PAF1: variants seen among roughly 807,000 people sequenced by gnomAD.
The protein encoded by PAF1 is PAF1 component of Paf1/RNA polymerase II complex.
In PAF1, 31 loss-of-function variants were observed where a neutral mutation model predicts 68.4. The ratio of observed to expected loss-of-function variants is 0.45; its 90% confidence interval spans 0.34 to 0.61. PAF1 has a LOEUF of 0.61. Ranked by LOEUF, PAF1 falls within the 20% of genes least tolerant of loss-of-function variation. The pLI, the probability that PAF1 is intolerant of heterozygous loss-of-function variation, is 0.01. For synonymous variants in PAF1, 256 were observed against 240.5 expected (o/e 1.06, Z -0.60); for missense variants, 435 against 692.9 (o/e 0.63, Z 4.18).
rs564315505 is a variant in PAF1 at position 39,386,864 on chromosome 19, C to G, written c.987-65G>C. On this transcript the variant is annotated intron_variant, in intron 11 of 13. Coordinates refer to ENST00000221265, the MANE Select transcript of PAF1 (RefSeq NM_019088.4). This position sits in a 1 kb window ranked among gnomAD's most constrained non-coding sequence, Gnocchi z 6.1. ...AGTTAAAGACACACCTCCCACTTCC[C>G]CGCCCCCCAGTGAGGGGTCTGGTCT... 340 of 1,101,138 alleles carry G rather than the reference C, an allele frequency of 3.1e-4. 1 individual carries two copies. The highest frequency in any genetic ancestry group is 4.3e-4 in the Non-Finnish European group (307 of 715,604). The allele number at this position is 1,101,138 out of a possible 1,614,324, so 68.2% of individuals were successfully genotyped here.
At chr19:39,388,029 T>C (rs968687909) in intron 11 of PAF1, among the ~76,000 whole-genome samples, 14 of 152,236 alleles carry the variant, frequency 9.2e-5, no homozygotes, top group Admixed American at 3.9e-4. Context: ...TGATGCCAGC[T>C]ACTCAGGAGG....
Position 39,385,774 on chromosome 19 carries a change from G to A in PAF1, c.*217C>T, listed in dbSNP as rs1458160018. The stretch of plus-strand genomic sequence containing the variant: ...TCTGGCCTGTGTTTCTAAGCCTCAA[G>A]CCAAGATCCTTGAGCACCTGGGGGT... On this transcript the variant is annotated 3_prime_UTR_variant, in exon 14 of 14. Transcript: ENST00000221265. The A allele has an allele frequency of 3.0e-6, 2 of 661,536 alleles. No individual in the cohort carries two copies. The highest frequency in any genetic ancestry group is 5.5e-5 in the East Asian group (2 of 36,472). 41.0% of individuals were successfully genotyped at this position (661,536 alleles called of 1,614,324 possible).
At chr19:39,388,902 G>C (rs780293853) in intron 8 of PAF1, 37 bp from the exon 9 acceptor site, 1 of 1,610,702 alleles carries the variant, frequency 6.2e-7, no homozygotes, top group African/African-American at 1.3e-5. Flanking sequence ...GATGGGAACA[G>C]GCACAAATAG....
Position 39,386,421 on chromosome 19 carries a change from G to A in PAF1, c.1184-18C>T. ...CTCCTCATCTGGAAGGGAGTGGAGA[G>A]AGATGAAACCCACTTTTCCACCCTC... On this transcript the variant is annotated intron_variant, in intron 13 of 13. Coordinates refer to ENST00000221265, the MANE Select transcript of PAF1 (RefSeq NM_019088.4). The surrounding 1 kb of genome is among the most constrained non-coding windows in gnomAD (Gnocchi z 6.1). The A allele has an allele frequency of 6.2e-7, 1 of 1,614,078 alleles. No homozygotes were observed. The highest frequency in any genetic ancestry group is 8.5e-7 in the Non-Finnish European group (1 of 1,179,960).
Position 39,386,853 on chromosome 19 carries a change from C to T in PAF1, c.987-54G>A. 8.3e-7 allele frequency: 1 copy of T among 1,208,244 alleles called. No homozygotes were observed. Among genetic ancestry groups the T allele is most frequent in the Admixed American group, 1.7e-5 (1 of 59,294 alleles). 74.8% of individuals were successfully genotyped at this position (1,208,244 alleles called of 1,614,324 possible). Reference sequence around the variant, plus strand: ...GTGGAAGATGCAGTTAAAGACACACCTCCCACTTCCCCGCCCCCCAGTGAG... The same window carrying T: ...GTGGAAGATGCAGTTAAAGACACACTTCCCACTTCCCCGCCCCCCAGTGAG... On this transcript the variant is annotated intron_variant, in intron 11 of 13. Transcript: ENST00000221265. This position sits in a 1 kb window ranked among gnomAD's most constrained non-coding sequence, Gnocchi z 6.1.
At position 39,386,397 on chromosome 19, in the gene PAF1, T is replaced by C; in HGVS notation, c.1190A>G (p.Glu397Gly). ...EEKEAGGSDEEQEKGSSSEKE... is the reference protein window; with the variant it reads ...EEKEAGGSDEGQEKGSSSEKE... ...CTCACTGCTGCTGCCCTTCTCCTGC[T>C]CCTCATCTGGAAGGGAGTGGAGAGA... Residue 397 changes from glutamate to glycine, a missense_variant, in exon 14 of 14, where the codon GAG (glutamate) becomes GGG (glycine). By Grantham distance (98) the Glu-to-Gly change is moderately conservative. Around this residue, in one of 7 missense-constraint regions of PAF1, gnomAD observed 78 missense variants for 80.6 expected, o/e 0.97. Transcript: ENST00000221265. This position sits in a 1 kb window ranked among gnomAD's most constrained non-coding sequence, Gnocchi z 6.1. 1 of 1,614,086 alleles carries C rather than the reference T, an allele frequency of 6.2e-7. No individual in the cohort carries two copies. Among genetic ancestry groups the C allele is most frequent in the Non-Finnish European group, 8.5e-7 (1 of 1,179,984 alleles).
In PAF1 at chr19:39,386,413, A is replaced by C. The variant is rs749878618; in HGVS notation, c.1184-10T>G. 5 of 1,613,716 alleles carry C rather than the reference A, an allele frequency of 3.1e-6. No homozygotes were observed. Among genetic ancestry groups the C allele is most frequent in the African/African-American group, 2.7e-5 (2 of 74,794 alleles). Reference sequence around the variant, plus strand: ...TTCTCCTGCTCCTCATCTGGAAGGGAGTGGAGAGAGATGAAACCCACTTTT... The same window carrying C: ...TTCTCCTGCTCCTCATCTGGAAGGGCGTGGAGAGAGATGAAACCCACTTTT... On this transcript the variant is annotated splice_polypyrimidine_tract_variant and intron_variant, in intron 13 of 13. Coordinates refer to ENST00000221265, the MANE Select transcript of PAF1 (RefSeq NM_019088.4). This position sits in a 1 kb window ranked among gnomAD's most constrained non-coding sequence, Gnocchi z 6.1.
At position 39,390,160 on chromosome 19, in the gene PAF1, A is replaced by T; in HGVS notation, c.79T>A (p.Ser27Thr). The T allele has an allele frequency of 6.2e-7, 1 of 1,613,768 alleles. No homozygotes were observed. Among genetic ancestry groups the T allele is most frequent in the East Asian group, 2.2e-5 (1 of 44,862 alleles). ...PNSHRTLPER[S>T]GVVCRVKYCN... is the part of the protein sequence containing the mutation. ...TACTTGACTCGGCAGACCACTCCAG[A>T]CCTAGGAACATTAGTGGCTCAAAAG... is the stretch of plus-strand genomic sequence containing the variant. Residue 27 changes from serine (S) to threonine (T), a missense_variant and splice_region_variant, in exon 3 of 14, where the codon TCT becomes ACT. Physicochemically the swap from Ser to Thr is moderately conservative, Grantham distance 58. Transcript: ENST00000221265.
In PAF1 at chr19:39,389,453, T is replaced by A; in HGVS notation, c.359+27A>T. On this transcript the variant is annotated intron_variant, in intron 5 of 13. Transcript: ENST00000221265. This position sits in a 1 kb window ranked among gnomAD's most constrained non-coding sequence, Gnocchi z 5.3. The stretch of plus-strand genomic sequence containing the variant: ...CTTGTAGGGCCCACCTGAGCCAGTC[T>A]CCAGTACCCATTTGCTACCCACTCA... 6.2e-7 allele frequency: 1 copy of A among 1,613,400 alleles called. No individual in the cohort carries two copies. Among genetic ancestry groups the A allele is most frequent in the Non-Finnish European group, 8.5e-7 (1 of 1,179,384 alleles).
Position 39,389,988 on chromosome 19 carries a change from GCAGA to G in PAF1, c.170+77_170+80del, listed in dbSNP as rs879035213. Reference sequence around the variant, plus strand: ...GGGTAGGTACTGTGCTAGGCCCTGAGCAGACAGCAGCCAACGAGACAAGCAGTCC... The same window carrying G: ...GGGTAGGTACTGTGCTAGGCCCTGAGCAGCAGCCAACGAGACAAGCAGTCC... On this transcript the variant is annotated intron_variant, in intron 3 of 13. Transcript: ENST00000221265. This position sits in a 1 kb window ranked among gnomAD's most constrained non-coding sequence, Gnocchi z 5.3. 5.8e-6 allele frequency: 7 copies of G among 1,201,104 alleles called. No individual in the cohort carries two copies. In the South Asian group the frequency reaches 6.2e-5, roughly 11 times the overall value. The allele number at this position is 1,201,104 out of a possible 1,614,324, so 74.4% of individuals were successfully genotyped here.
intron 11 of PAF1, chr19:39,387,125 T>TA: frequency 2.2e-6 from 1 of 445,912 alleles, no homozygotes; most frequent in Non-Finnish European, 4.3e-6. Flanking sequence ...ACAGTACTCT[T>TA]ACACAAACGT....
Position 39,390,823 on chromosome 19 carries a change from G to T in PAF1, c.42C>A (p.Gly14=), listed in dbSNP as rs1399778472. The change falls in exon 1 of 14, where the codon GGC becomes GGA. Residue 14 remains glycine (G), a synonymous_variant. Coordinates refer to ENST00000221265, the MANE Select transcript of PAF1 (RefSeq NM_019088.4). ...TIQTQAQRED[G]HRPNSHRTLP... ...CAGAAAAGCGTGGCGCCTACCTGTG[G>T]CCATCCTCCCGCTGGGCCTGGGTCT... 1 of 1,584,850 alleles carries T rather than the reference G, an allele frequency of 6.3e-7. No homozygotes were observed. The highest frequency in any genetic ancestry group is 1.8e-5 in the Admixed American group (1 of 55,830).
rs2145921993 is a variant in PAF1, at chr19:39,386,094, C to T, written c.1493G>A (p.Arg498His). Residue 498 changes from arginine to histidine, a missense_variant, in exon 14 of 14, where the codon CGC becomes CAC. Arg to His is a conservative substitution (Grantham distance 29, BLOSUM62 0). Coordinates refer to ENST00000221265, the MANE Select transcript of PAF1 (RefSeq NM_019088.4). The surrounding 1 kb of genome is among the most constrained non-coding windows in gnomAD (Gnocchi z 6.1). ...GGGQRSRSHS[R>H]SASPFPSGSE... is the part of the protein sequence containing the mutation. ...GCCACTGGGGAAGGGACTGGCGCTG[C>T]GGCTGTGGCTCCGGCTCCGCTGGCC... The T allele has an allele frequency of 1.2e-6, 2 of 1,613,988 alleles. No individual in the cohort carries two copies. The highest frequency in any genetic ancestry group is 1.1e-5 in the South Asian group (1 of 91,080).
rs1421409827 is a variant in PAF1, at chr19:39,386,236, C to G, written c.1351G>C (p.Glu451Gln). 1 of 1,614,210 alleles carries G rather than the reference C, an allele frequency of 6.2e-7. No individual in the cohort carries two copies. Among genetic ancestry groups the G allele is most frequent in the Non-Finnish European group, 8.5e-7 (1 of 1,180,050 alleles). ...EDEARAARDK[E>Q]EIFGSDADSE... ...TCAGCATCACTGCCAAAGATCTCCTCTTTGTCACGGGCAGCCCGGGCCTCA... is the reference window on the plus strand; with the variant it reads ...TCAGCATCACTGCCAAAGATCTCCTGTTTGTCACGGGCAGCCCGGGCCTCA... Residue 451 changes from glutamate (E) to glutamine (Q), a missense_variant, in exon 14 of 14, where the codon GAG becomes CAG. Glu to Gln is a conservative substitution (Grantham distance 29, BLOSUM62 2). Around this residue, in one of 7 missense-constraint regions of PAF1, gnomAD observed 3 missense variants for 18.4 expected, o/e 0.16. Transcript: ENST00000221265. This position sits in a 1 kb window ranked among gnomAD's most constrained non-coding sequence, Gnocchi z 6.1.
intron 11 of PAF1, among the ~76,000 whole-genome samples, 198 bp downstream of exon 11, chr19:39,388,140 CA>C (rs936220186): frequency 2.0e-5 from 3 of 151,140 alleles, no homozygotes; most frequent in African/African-American, 7.3e-5. Context: ...GACTCCATCT[CA>C]AAAAAAAAGA....
At position 39,388,943 on chromosome 19, in the gene PAF1, T is replaced by C. The variant is rs764847413; in HGVS notation, c.636+4A>G. On this transcript the variant is annotated splice_donor_region_variant and intron_variant, in intron 8 of 13. Coordinates refer to ENST00000221265, the MANE Select transcript of PAF1 (RefSeq NM_019088.4). Reference sequence around the variant, plus strand: ...CCCTTTCTACCTCCCACCTTGGGCCTGACCTTAAAGTCTGGGAAGACAGGC... The same window carrying C: ...CCCTTTCTACCTCCCACCTTGGGCCCGACCTTAAAGTCTGGGAAGACAGGC... 6.2e-7 allele frequency: 1 copy of C among 1,614,038 alleles called. No individual in the cohort carries two copies. Among genetic ancestry groups the C allele is most frequent in the Non-Finnish European group, 8.5e-7 (1 of 1,179,884 alleles).
In PAF1 at chr19:39,385,939, G is replaced by A; in HGVS notation, c.*52C>T. The A allele has an allele frequency of 6.2e-7, 1 of 1,604,422 alleles. No individual in the cohort carries two copies. Among genetic ancestry groups the A allele is most frequent in the East Asian group, 2.2e-5 (1 of 44,762 alleles). ...CTCACAAACAGACCACTAGAAAAGT[G>A]CTTTGCTGCTCACAATAATGGTGTC... On this transcript the variant is annotated 3_prime_UTR_variant, in exon 14 of 14. Transcript: ENST00000221265.
Position 39,390,150 on chromosome 19 carries a change from A to G in PAF1, c.89T>C (p.Val30Ala). 1 of 1,613,984 alleles carries G rather than the reference A, an allele frequency of 6.2e-7. No individual in the cohort carries two copies. The highest frequency in any genetic ancestry group is 8.5e-7 in the Non-Finnish European group (1 of 1,179,898). Residue 30 changes from valine (V) to alanine (A), a missense_variant, in exon 3 of 14, where the codon GTC becomes GCC. Physicochemically the swap from Val to Ala is moderately conservative, Grantham distance 64 (BLOSUM62 0). Around this residue, in one of 7 missense-constraint regions of PAF1, gnomAD observed 77 missense variants for 118.2 expected, o/e 0.65. Coordinates refer to ENST00000221265, the MANE Select transcript of PAF1 (RefSeq NM_019088.4). ...GCTATTGCAGTACTTGACTCGGCAG[A>G]CCACTCCAGACCTAGGAACATTAGT... ...HRTLPERSGV[V>A]CRVKYCNSLP...
Position 39,386,017 on chromosome 19 carries a change from T to G in PAF1, c.1570A>C (p.Ser524Arg). Residue 524 changes from serine to arginine, a missense_variant, in exon 14 of 14, where the codon AGT becomes CGT. By Grantham distance (110) the Ser-to-Arg change is moderately radical (BLOSUM62 -1). Around this residue, in one of 7 missense-constraint regions of PAF1, gnomAD observed 83 missense variants for 99.9 expected, o/e 0.83. Coordinates refer to ENST00000221265, the MANE Select transcript of PAF1 (RefSeq NM_019088.4). The surrounding 1 kb of genome is among the most constrained non-coding windows in gnomAD (Gnocchi z 6.1). ...CAGTCACTGTCACTATCAGCTTCAC[T>G]GGAATCAGAAGCTGCAGCTTCACTG... Reference protein sequence around the residue: ...DGSEAAASDSSEADSDSD With the variant: ...DGSEAAASDSREADSDSD The G allele has an allele frequency of 1.2e-6, 2 of 1,613,586 alleles. No homozygotes were observed. The highest frequency in any genetic ancestry group is 1.7e-6 in the Non-Finnish European group (2 of 1,179,774).
Sources: allele counts gnomAD v4.1 joint callset (sites outside exome capture counted in the v4.1 genomes callset), GRCh38; gene constraint gnomAD v4.1.1; regional missense constraint gnomAD v4.1.1; non-coding constraint Gnocchi (gnomAD v3.1); transcripts MANE v1.5; gene names NCBI Gene and HGNC (gene_info 2026-07-23, HGNC 2026-07-21).